The following OLFM3 variants were observed in gnomAD, a reference collection of about 807,000 sequenced individuals.
OLFM3 encodes the protein olfactomedin 3.
Under a neutral mutation model 48.6 loss-of-function variants are expected in OLFM3, and 20 were observed. The ratio of observed to expected loss-of-function variants is 0.41; its 90% CI spans 0.29 to 0.60. The LOEUF (loss-of-function observed/expected upper bound fraction) is 0.60, where lower values mean the gene tolerates loss of function less well. Ranked by LOEUF, OLFM3 falls within the 20% of genes least tolerant of loss-of-function variation. The pLI, the probability that OLFM3 is intolerant of heterozygous loss-of-function variation, is 0.28. For synonymous variants in OLFM3, 222 were observed against 198.1 expected (o/e 1.12, Z -1.01); for missense variants, 437 against 544.3 (o/e 0.80, Z 1.96).
intron 1 of OLFM3, among the ~76,000 whole-genome samples, chr1:101,901,718 T>G (rs568316503): frequency 1.3e-5 from 2 of 152,074 alleles, no homozygotes; most frequent in African/African-American, 4.8e-5. Flanking sequence ...GACAGATAAT[T>G]GACTATGGGG....
chr1:101,874,492 T>A lies in OLFM3; in HGVS notation c.70-37467A>T, dbSNP rs540685163. Among the ~76,000 whole-genome samples the A allele has an allele frequency of 2.0e-5, 3 of 146,442 alleles. No individual in the cohort carries two copies. The South Asian group carries it at 6.3e-4, about 31-fold the overall frequency. On this transcript the variant is annotated intron_variant, in intron 1 of 5. Coordinates refer to ENST00000370103, the MANE Select transcript of OLFM3 (RefSeq NM_058170.4). ...CAGTATAATAAGAATTCTAATAATA[T>A]AATAATAATAATAATAGTAACAGCA...
intron 3 of OLFM3, among the ~76,000 whole-genome samples, chr1:101,828,670 C>T (rs1655001517): frequency 1.3e-5 from 2 of 152,184 alleles, no homozygotes; most frequent in Non-Finnish European, 2.9e-5. Flanking sequence ...ATGCATTCCC[C>T]AGCCCTGTCA....
At position 101,804,847 on chromosome 1, in the gene OLFM3, G is replaced by T. The variant is rs1374415408; in HGVS notation, c.768C>A (p.Val256=). Residue 256 remains valine (V), a synonymous_variant, in exon 6 of 6, where the codon GTC becomes GTA. Coordinates refer to ENST00000370103, the MANE Select transcript of OLFM3 (RefSeq NM_058170.4). The surrounding 1 kb of genome is among the most constrained non-coding windows in gnomAD (Gnocchi z 4.5). ...TGTATGTCCTTGATTCAGCCCCACT[G>T]ACAAAGTCTGCAATTGATTTGTATT... The part of the protein sequence containing the change: ...VREYKSIADF[V]SGAESRTYNL... 6.2e-7 allele frequency: 1 copy of T among 1,612,362 alleles called. No individual in the cohort carries two copies. Among genetic ancestry groups the T allele is most frequent in the South Asian group, 1.1e-5 (1 of 91,054 alleles).
intron 3 of OLFM3, among the ~76,000 whole-genome samples, chr1:101,828,818 A>C (rs1655007281): frequency 1.3e-5 from 2 of 152,110 alleles, no homozygotes; most frequent in Non-Finnish European, 2.9e-5. Context: ...GTGCCAGCTT[A>C]CTATTTTCTA....
chr1:101,859,542 G>A (rs1656565377), intron 1 of OLFM3, among the ~76,000 whole-genome samples: 1 of 152,070 alleles, frequency 6.6e-6, no homozygotes, highest in South Asian at 2.1e-4. Flanking sequence ...TATTTGAAAT[G>A]CTTGGGGACA....
chr1:101,835,495 G>A (rs1020356184), intron 2 of OLFM3, among the ~76,000 whole-genome samples: 3 of 152,170 alleles, frequency 2.0e-5, no homozygotes, highest in Admixed American at 1.3e-4. Flanking sequence ...TGGATTTTTA[G>A]TAGAGATGGT....
Position 101,804,205 on chromosome 1 carries a change from C to G in OLFM3, c.*33G>C, listed in dbSNP as rs1553168627. 2.0e-6 allele frequency: 3 copies of G among 1,474,442 alleles called. No individual in the cohort carries two copies. The highest frequency in any genetic ancestry group is 2.7e-6 in the Non-Finnish European group (3 of 1,095,962). The allele number at this position is 1,474,442 out of a possible 1,614,324, so 91.3% of individuals were successfully genotyped here. On this transcript the variant is annotated 3_prime_UTR_variant, in exon 6 of 6. Transcript: ENST00000370103. The surrounding 1 kb of genome is among the most constrained non-coding windows in gnomAD (Gnocchi z 4.5). ...CTTATAGAGTTTATCACAAATCACA[C>G]TGTTTAAATCAATGAAAACATGTCA...
At chr1:101,969,573 C>T (rs1306199208) in intron 1 of OLFM3, among the ~76,000 whole-genome samples, 3 of 152,072 alleles carry the variant, frequency 2.0e-5, no homozygotes, top group Admixed American at 2.0e-4. Flanking sequence ...TTTAAATAAT[C>T]AATTTTCTTC....
At chr1:101,864,906 C>T (rs12041588) in intron 1 of OLFM3, among the ~76,000 whole-genome samples, 10,943 of 152,194 alleles carry the variant, frequency 0.072, 990 homozygotes, top group East Asian at 0.33. Context: ...TGCCACACTA[C>T]CACAAACAGA....
intron 1 of OLFM3, among the ~76,000 whole-genome samples, chr1:101,948,560 G>T (rs1262854814): frequency 4.0e-5 from 6 of 151,516 alleles, no homozygotes; most frequent in Non-Finnish European, 4.4e-5. Flanking sequence ...ATGTTATTTG[G>T]TTCCTTACAT....
intron 1 of OLFM3, among the ~76,000 whole-genome samples, chr1:101,853,012 A>G (rs1361010382): frequency 6.6e-6 from 1 of 152,136 alleles, no homozygotes; most frequent in Non-Finnish European, 1.5e-5. Context: ...GTTACTTTGT[A>G]CCATTTGTTA....
rs147123148 is a variant in OLFM3 at position 101,833,883 on chromosome 1, A to T, written c.216+2996T>A. 1.4e-3 allele frequency among the ~76,000 whole-genome samples: 215 copies of T among 152,310 alleles called. 1 individual carries two copies. Among genetic ancestry groups the T allele is most frequent in the African/African-American group, 5.0e-3 (207 of 41,574 alleles). On this transcript the variant is annotated intron_variant, in intron 2 of 5. Transcript: ENST00000370103. ...CTTCAAGAATGAAGTATCATGTACA[A>T]TGTTTCTTAAACTTATGTCATTGGT...
At chr1:101,849,738 C>T (rs1022445935) in intron 1 of OLFM3, among the ~76,000 whole-genome samples, 5 of 152,088 alleles carry the variant, frequency 3.3e-5, no homozygotes, top group Non-Finnish European at 7.3e-5. Flanking sequence ...TAAAGGTCTG[C>T]ACAACAATTG....
intron 1 of OLFM3, among the ~76,000 whole-genome samples, chr1:101,879,021 G>A (rs1657411417): frequency 6.6e-6 from 1 of 151,862 alleles, no homozygotes; most frequent in Non-Finnish European, 1.5e-5. Flanking sequence ...ATCAACAAGG[G>A]AGGGAAGCAG....
At position 101,928,509 on chromosome 1, in the gene OLFM3, A is replaced by G. The variant is rs554476752; in HGVS notation, c.69+68239T>C. 9.2e-5 allele frequency among the ~76,000 whole-genome samples: 14 copies of G among 152,216 alleles called. No homozygotes were observed. In the South Asian group the frequency reaches 2.9e-3, roughly 32 times the overall value. ...CCAGTAACACTAGCACAGAATTCAT[A>G]TTTCCTTTTACTTTCATTCATAAGC... On this transcript the variant is annotated intron_variant, in intron 1 of 5. Coordinates refer to ENST00000370103, the MANE Select transcript of OLFM3 (RefSeq NM_058170.4).
At chr1:101,887,616 T>A (rs985649025) in intron 1 of OLFM3, among the ~76,000 whole-genome samples, 2 of 152,056 alleles carry the variant, frequency 1.3e-5, no homozygotes, top group African/African-American at 4.8e-5. Flanking sequence ...AAATTCAGTA[T>A]TATTGTACTT....
chr1:101,838,683 C>T (rs1373819), intron 1 of OLFM3, among the ~76,000 whole-genome samples: 151,974 of 152,310 alleles, frequency 1, 75,820 homozygotes, highest in Middle Eastern at 1. Flanking sequence ...TCTCGCCATG[C>T]TGGCCAGGCT....
chr1:101,969,314 A>ATT (rs36019509), intron 1 of OLFM3, among the ~76,000 whole-genome samples: 33,219 of 141,228 alleles, frequency 0.24, 4,266 homozygotes, highest in East Asian at 0.51. Flanking sequence ...ACGCCTGGCT[A>ATT]TTTTTTTTTT....
chr1:101,948,046 A>T (rs1209853695), intron 1 of OLFM3, among the ~76,000 whole-genome samples: 2 of 152,178 alleles, frequency 1.3e-5, no homozygotes, highest in African/African-American at 4.8e-5. Context: ...TTCAAATGAA[A>T]ACCAAAAGAT....
Sources: allele counts gnomAD v4.1 joint callset (sites outside exome capture counted in the v4.1 genomes callset), GRCh38; gene constraint gnomAD v4.1.1; non-coding constraint Gnocchi (gnomAD v3.1); transcripts MANE v1.5; gene names NCBI Gene and HGNC (gene_info 2026-07-23, HGNC 2026-07-21).